The following HMGN1 variants were observed in gnomAD, a reference collection of about 807,000 sequenced individuals.
The protein encoded by HMGN1 is high mobility group nucleosome binding domain 1.
Under a neutral mutation model 18.4 loss-of-function variants are expected in HMGN1, and 9 were observed. That is an observed-to-expected ratio of 0.49 (90% CI 0.29 to 0.85). The LOEUF is 0.85. Among genes scored for constraint, HMGN1 ranks in the 40% least tolerant of loss-of-function variants. The pLI is 0.07. For missense variants in HMGN1, 151 were observed against 119.2 expected, an observed-to-expected ratio of 1.27 and a Z score of -1.24; for synonymous variants, 59 against 45.0, an observed-to-expected ratio of 1.31 and a Z score of -1.24.
intron 4 of HMGN1, chr21:39,346,162 G>C (rs180830451): frequency 5.6e-6 from 2 of 358,376 alleles, no homozygotes; most frequent in South Asian, 2.1e-5. Flanking sequence ...AGACCCATAC[G>C]GATACTGACC....
At chr21:39,345,738 G>A (rs1292847748) in intron 4 of HMGN1, 13 of 890,434 alleles carry the variant, frequency 1.5e-5, no homozygotes, top group Middle Eastern at 2.5e-4. Context: ...GAGGAGTCTC[G>A]TCGACCGTAT....
chr21:39,348,760 C>T (rs1017757258), intron 1 of HMGN1, 143 bp downstream of exon 1: 3 of 1,065,930 alleles, frequency 2.8e-6, no homozygotes, highest in African/African-American at 3.4e-5. Flanking sequence ...GGCCGCCGAG[C>T]GCTCGCCTGC....
intron 4 of HMGN1, chr21:39,347,057 AACACACACAC>A (rs3138678): frequency 1.3e-5 from 2 of 149,170 alleles, no homozygotes; most frequent in Non-Finnish European, 3.0e-5. Context: ...ATTAGTTTAA[AACACACACAC>A]ACACACACAC....
At chr21:39,348,169 T>G (rs2037127108) in intron 4 of HMGN1, 123 bp downstream of exon 4, 1 of 1,314,718 alleles carries the variant, frequency 7.6e-7, no homozygotes, top group African/African-American at 1.5e-5. Flanking sequence ...ACTAGAAAAA[T>G]TATTTACCGT....
In HMGN1 at chr21:39,343,127, T is replaced by C; in HGVS notation, c.288A>G (p.Glu96=). 6.3e-7 allele frequency: 1 copy of C among 1,595,134 alleles called. No individual in the cohort carries two copies. The highest frequency in any genetic ancestry group is 1.3e-5 in the African/African-American group (1 of 74,366). The change falls in exon 6 of 6, where the codon GAA becomes GAG. Residue 96 remains glutamate, a synonymous_variant. Coordinates refer to ENST00000380749, the MANE Select transcript of HMGN1 (RefSeq NM_004965.7). The part of the protein sequence containing the change: ...SPASDEAGEK[E]AKSD ...TATATGGTTATTAATCAGACTTGGC[T>C]TCTTTCTCTCCTGCTTCATCAGAGG...
intron 4 of HMGN1, chr21:39,347,996 A>G: frequency 1.6e-6 from 2 of 1,266,582 alleles, no homozygotes; most frequent in Non-Finnish European, 1.0e-6. Flanking sequence ...ATTAAAAGCC[A>G]AGCACCAGCC....
intron 1 of HMGN1, 62 bp downstream of exon 1, chr21:39,348,841 G>A: frequency 9.6e-7 from 1 of 1,041,710 alleles, no homozygotes; most frequent in Non-Finnish European, 1.2e-6. Flanking sequence ...GGGCCTCGCG[G>A]GGCCCGGCGG....
At chr21:39,346,929 A>G (rs2037074111) in intron 4 of HMGN1, 1 of 152,278 alleles carries the variant, frequency 6.6e-6, no homozygotes, top group African/African-American at 2.4e-5. Context: ...CTGAGAGTAA[A>G]ACTTGGAACT....
rs908968211 is a variant in HMGN1, at chr21:39,347,843, TCCCCAC to T, written c.126+443_126+448del. On this transcript the variant is annotated intron_variant, in intron 4 of 5. Transcript: ENST00000380749. ...TTCTCAGAGATCACAACTTTTTACC[TCCCCAC>T]CCCCACCCCGTAAAAAGGTTAAGGC... The T allele has an allele frequency of 1.3e-4, 39 of 306,936 alleles. 3 individuals are homozygous for T. In the South Asian group the frequency reaches 2.1e-3, roughly 17 times the overall value. 19.0% of individuals were successfully genotyped at this position (306,936 alleles called of 1,614,324 possible).
chr21:39,349,021 T>A lies in HMGN1; in HGVS notation c.-104A>T, dbSNP rs2037176078. The A allele has an allele frequency of 8.6e-7, 1 of 1,159,682 alleles. No individual in the cohort carries two copies. Among genetic ancestry groups the A allele is most frequent in the Non-Finnish European group, 1.1e-6 (1 of 934,260 alleles). The allele number at this position is 1,159,682 out of a possible 1,614,324, so 71.8% of individuals were successfully genotyped here. A position where few individuals can be genotyped will look rare whatever the true frequency, so the allele number is the denominator to read the frequency against. The stretch of plus-strand genomic sequence containing the variant: ...CAGCCTTCGCGAAACTGGGCTGCCT[T>A]GCCGCTGCCACTCCTCCCGCCGCCC... On this transcript the variant is annotated 5_prime_UTR_variant, in exon 1 of 6. Coordinates refer to ENST00000380749, the MANE Select transcript of HMGN1 (RefSeq NM_004965.7).
chr21:39,346,071 G>A (rs1192731171), intron 4 of HMGN1: 4 of 563,042 alleles, frequency 7.1e-6, no homozygotes, highest in African/African-American at 3.9e-5. Flanking sequence ...TCAATACTGA[G>A]AAGAAAGCTT....
chr21:39,348,728 G>T (rs1377025716), intron 1 of HMGN1, 151 bp from the exon 2 acceptor site: 6 of 1,116,396 alleles, frequency 5.4e-6, no homozygotes, highest in Middle Eastern at 3.1e-4. Flanking sequence ...GCCGCCAAAC[G>T]TTCCAGAACG....
intron 4 of HMGN1, chr21:39,345,670 T>A (rs2037025688): frequency 2.3e-6 from 1 of 439,078 alleles, no homozygotes; most frequent in Non-Finnish European, 4.2e-6. Flanking sequence ...ACTGTCGCCA[T>A]CATCCACTAT....
Position 39,348,428 on chromosome 21 carries a change from C to T in HMGN1, c.72G>A (p.Leu24=), listed in dbSNP as rs775208704. Residue 24 remains leucine, a synonymous_variant, in exon 3 of 6, where the codon TTG becomes TTA. Transcript: ENST00000380749. ...KEEPKRRSAR[L]SAKPPAKVEA... ...CGGGGCTCGCTTTACTTACAGCTGA[C>T]AACCGCGCCGATCTCCTCTTGGGCT... 6.8e-6 allele frequency: 11 copies of T among 1,614,210 alleles called. No individual in the cohort carries two copies. Among genetic ancestry groups the T allele is most frequent in the Non-Finnish European group, 9.3e-6 (11 of 1,180,034 alleles).
In HMGN1 at chr21:39,342,679, A is replaced by G. The variant is rs1601543238; in HGVS notation, c.*433T>C. On this transcript the variant is annotated 3_prime_UTR_variant, in exon 6 of 6. Coordinates refer to ENST00000380749, the MANE Select transcript of HMGN1 (RefSeq NM_004965.7). ...TTCTGGCAGAGAGAGCCATGATCAA[A>G]GAGTGGTTTTCTTTAGGAAACAATT... 8 of 335,244 alleles carry G rather than the reference A, an allele frequency of 2.4e-5. No homozygotes were observed. In the East Asian group the frequency reaches 5.4e-4, roughly 23 times the overall value. The allele number at this position is 335,244 out of a possible 1,614,324, so 20.8% of individuals were successfully genotyped here.
intron 5 of HMGN1, 89 bp downstream of exon 5, chr21:39,345,057 A>G (rs2036994065): frequency 1.4e-6 from 2 of 1,409,084 alleles, no homozygotes; most frequent in Non-Finnish European, 1.9e-6. Flanking sequence ...GAATACTGTT[A>G]TCTGCTACAA....
At chr21:39,347,767 C>G (rs2037107518) in intron 4 of HMGN1, 1 of 292,502 alleles carries the variant, frequency 3.4e-6, no homozygotes, top group Non-Finnish European at 6.3e-6. Context: ...CAGCCAAAAT[C>G]ACGGTTTTGT....
chr21:39,344,920 A>G (rs2036989824), intron 5 of HMGN1, among the ~76,000 whole-genome samples: 1 of 152,222 alleles, frequency 6.6e-6, no homozygotes, highest in African/African-American at 2.4e-5. Context: ...TCTGAAATTG[A>G]GCATATTAAA....
chr21:39,348,143 C>T (rs2037125856), intron 4 of HMGN1, 149 bp downstream of exon 4: 3 of 1,037,688 alleles, frequency 2.9e-6, no homozygotes, highest in Non-Finnish European at 4.2e-6. Flanking sequence ...ATATCCATTA[C>T]ATTTTTGCCT....
Sources: allele counts gnomAD v4.1 joint callset (sites outside exome capture counted in the v4.1 genomes callset), GRCh38; gene constraint gnomAD v4.1.1; transcripts MANE v1.5; gene names NCBI Gene and HGNC (gene_info 2026-07-23, HGNC 2026-07-21).